The following FBH1 variants were observed in gnomAD, a reference collection of about 807,000 sequenced individuals.
The protein encoded by FBH1 is F-box DNA helicase 1.
In FBH1, 43 loss-of-function variants were observed where a neutral mutation model predicts 115.5. The ratio of observed to expected loss-of-function variants is 0.37; its 90% CI spans 0.29 to 0.48. FBH1 has a LOEUF of 0.48. Ranked by LOEUF, FBH1 falls within the 20% of genes least tolerant of loss-of-function variation. FBH1 has a pLI of 0.99. For missense variants in FBH1, 1,001 were observed against 1,337.3 expected (o/e 0.75, Z 3.92); for synonymous variants, 524 against 507.8 (o/e 1.03, Z -0.43).
rs1312967560 is a variant in FBH1 at position 5,918,306 on chromosome 10, C to T, written c.1964-36C>T. 1.9e-6 allele frequency: 3 copies of T among 1,602,542 alleles called. No individual in the cohort carries two copies. Among genetic ancestry groups the T allele is most frequent in the African/African-American group, 1.4e-5 (1 of 73,692 alleles). Reference sequence around the variant, plus strand: ...TCTTTTTGCTGCCTGGGGTGGAGGCCTCAAGGTTTCTCACTTTTCCTCTCG... The same window carrying T: ...TCTTTTTGCTGCCTGGGGTGGAGGCTTCAAGGTTTCTCACTTTTCCTCTCG... On this transcript the variant is annotated intron_variant, in intron 12 of 20. Transcript: ENST00000362091. The surrounding 1 kb of genome is among the most constrained non-coding windows in gnomAD (Gnocchi z 4.0).
rs1832444807 is a variant in FBH1 at position 5,923,687 on chromosome 10, C to T, written c.2389C>T (p.Arg797Trp). ...IWILLQPEEE[R>W]RKQNLVIKDK... ...GATCCTTCTTCAGCCAGAGGAAGAA[C>T]GGAGGAAACGTGAGTACCCACCTGG... The change falls in exon 16 of 21, where the codon CGG becomes TGG. Residue 797 changes from arginine (R) to tryptophan (W), a missense_variant. By Grantham distance (101) the Arg-to-Trp change is moderately radical. Transcript: ENST00000362091. The surrounding 1 kb of genome is among the most constrained non-coding windows in gnomAD (Gnocchi z 5.7). 8 of 1,614,018 alleles carry T rather than the reference C, an allele frequency of 5.0e-6. No homozygotes were observed. Among genetic ancestry groups the T allele is most frequent in the Non-Finnish European group, 6.8e-6 (8 of 1,179,898 alleles).
rs1275358336 is a variant in FBH1 at position 5,902,343 on chromosome 10, CAAA to C, written c.2-673_2-671del. Among the ~76,000 whole-genome samples, 4 of 151,884 alleles carry C rather than the reference CAAA, an allele frequency of 2.6e-5. No homozygotes were observed. In the East Asian group the frequency reaches 5.8e-4, roughly 22 times the overall value. On this transcript the variant is annotated intron_variant, in intron 1 of 20. Coordinates refer to ENST00000362091, the MANE Select transcript of FBH1 (RefSeq NM_178150.3). The stretch of plus-strand genomic sequence containing the variant: ...AATTAAAAAAAATTTAACCATTTAA[CAAA>C]AAAGAAAGTTATAAAAGTTTTTTGT...
rs1202568225 is a variant in FBH1 at position 5,910,778 on chromosome 10, CCT to C, written c.1021-159_1021-158del. Among the ~76,000 whole-genome samples, 1 of 152,212 alleles carries C rather than the reference CCT, an allele frequency of 6.6e-6. No individual in the cohort carries two copies. Among genetic ancestry groups the C allele is most frequent in the Non-Finnish European group, 1.5e-5 (1 of 68,036 alleles). The stretch of plus-strand genomic sequence containing the variant: ...AGTCCAGGGCGAACAGAAGGGCTCC[CCT>C]GTTTCCCAAATACAACTTGGAAAGT... On this transcript the variant is annotated intron_variant, in intron 5 of 20. Coordinates refer to ENST00000362091, the MANE Select transcript of FBH1 (RefSeq NM_178150.3). This position sits in a 1 kb window ranked among gnomAD's most constrained non-coding sequence, Gnocchi z 4.8.
At position 5,935,268 on chromosome 10, in the gene FBH1, C is replaced by T. The variant is rs927353614; in HGVS notation, c.2830-1188C>T. The T allele has an allele frequency of 6.6e-6, 1 of 152,110 alleles. No individual in the cohort carries two copies. Among genetic ancestry groups the T allele is most frequent in the Non-Finnish European group, 1.5e-5 (1 of 68,036 alleles). The allele number at this position is 152,110 out of a possible 1,614,324, so 9.4% of individuals were successfully genotyped here. A position where few individuals can be genotyped will look rare whatever the true frequency, so the allele number is the denominator to read the frequency against. ...TTGTTGGAAATAGTTTGGAAACAAC[C>T]GAGTAACCACAGCAAGGGAATGGGT... On this transcript the variant is annotated intron_variant, in intron 19 of 20. Transcript: ENST00000362091. The surrounding 1 kb of genome is among the most constrained non-coding windows in gnomAD (Gnocchi z 5.2).
chr10:5,903,143 A>C lies in FBH1; in HGVS notation c.125A>C (p.Tyr42Ser). 6.2e-7 allele frequency: 1 copy of C among 1,613,104 alleles called. No individual in the cohort carries two copies. Among genetic ancestry groups the C allele is most frequent in the East Asian group, 2.2e-5 (1 of 44,844 alleles). ...AACAGAGATCCGAACCATGGTCTCT[A>C]TCCTAAACCGAGAACAAAAAGAGGG... ...WTNRDPNHGL[Y>S]PKPRTKRGSR... Residue 42 changes from tyrosine (Y) to serine (S), a missense_variant, in exon 2 of 21, where the codon TAT becomes TCT. Around this residue, in one of 4 missense-constraint regions of FBH1, gnomAD observed 420 missense variants for 430.4 expected, o/e 0.98. Coordinates refer to ENST00000362091, the MANE Select transcript of FBH1 (RefSeq NM_178150.3).
rs1832479579 is a variant in FBH1 at position 5,924,097 on chromosome 10, G to A, written c.2399-214G>A. On this transcript the variant is annotated intron_variant, in intron 16 of 20. Coordinates refer to ENST00000362091, the MANE Select transcript of FBH1 (RefSeq NM_178150.3). This position sits in a 1 kb window ranked among gnomAD's most constrained non-coding sequence, Gnocchi z 6.2. ...AAGTAGGTGAGGATCTTGAGCCGAG[G>A]GCTTTGCTCCTCAGTCGGAGACGGA... 1.7e-6 allele frequency: 1 copy of A among 595,140 alleles called. No individual in the cohort carries two copies. The highest frequency in any genetic ancestry group is 3.0e-5 in the Admixed American group (1 of 33,776). The allele number at this position is 595,140 out of a possible 1,614,324, so 36.9% of individuals were successfully genotyped here.
In FBH1 at chr10:5,906,389, G is replaced by A. The variant is rs138692839; in HGVS notation, c.510G>A (p.Thr170=). The change falls in exon 3 of 21, where the codon ACG becomes ACA. Residue 170 remains threonine, a synonymous_variant. Transcript: ENST00000362091. The surrounding 1 kb of genome is among the most constrained non-coding windows in gnomAD (Gnocchi z 7.3). ...CCAGGCAAGAAGCAGAGGACAGTACGTCTCGGCTCTCTGCGGAGTCTGGTG... is the reference window on the plus strand; with the variant it reads ...CCAGGCAAGAAGCAGAGGACAGTACATCTCGGCTCTCTGCGGAGTCTGGTG... ...REARQEAEDS[T]SRLSAESGET... The A allele has an allele frequency of 2.3e-3, 3,730 of 1,614,116 alleles. 5 individuals are homozygous for A. Among genetic ancestry groups the A allele is most frequent in the Non-Finnish European group, 2.9e-3 (3,391 of 1,179,910 alleles).
chr10:5,930,237 A>G (rs1832893879), intron 19 of FBH1, among the ~76,000 whole-genome samples: 1 of 152,220 alleles, frequency 6.6e-6, no homozygotes, highest in African/African-American at 2.4e-5. Flanking sequence ...ATCCATAATT[A>G]TACTTTTATG....
rs1416948704 is a variant in FBH1 at position 5,933,483 on chromosome 10, A to G, written c.2830-2973A>G. On this transcript the variant is annotated intron_variant, in intron 19 of 20. Coordinates refer to ENST00000362091, the MANE Select transcript of FBH1 (RefSeq NM_178150.3). This position sits in a 1 kb window ranked among gnomAD's most constrained non-coding sequence, Gnocchi z 4.9. ...TGCATTTTGTTTTCCCCATAGAAGA[A>G]AAGAATACAGAATCTAGAGAAATAC... is the stretch of plus-strand genomic sequence containing the variant. Among the ~76,000 whole-genome samples the G allele has an allele frequency of 6.6e-6, 1 of 152,216 alleles. No individual in the cohort carries two copies. The highest frequency in any genetic ancestry group is 1.5e-5 in the Non-Finnish European group (1 of 68,034).
chr10:5,913,948 T>C lies in FBH1; in HGVS notation c.1304+109T>C. ...TTAGCAACATCATTGAGGTTAATAA[T>C]GTAAATTGTGTAAAACTCACCCATC... On this transcript the variant is annotated intron_variant, in intron 7 of 20. Transcript: ENST00000362091. The surrounding 1 kb of genome is among the most constrained non-coding windows in gnomAD (Gnocchi z 4.4). The C allele has an allele frequency of 1.1e-6, 1 of 905,188 alleles. No individual in the cohort carries two copies. The highest frequency in any genetic ancestry group is 1.5e-5 in the South Asian group (1 of 65,942). 56.1% of individuals were successfully genotyped at this position (905,188 alleles called of 1,614,324 possible).
In FBH1 at chr10:5,916,062, C is replaced by G. The variant is rs934096431; in HGVS notation, c.1566-172C>G. On this transcript the variant is annotated intron_variant, in intron 9 of 20. Coordinates refer to ENST00000362091, the MANE Select transcript of FBH1 (RefSeq NM_178150.3). ...GTTGGTACATGTGAGTCCTGAAAGC[C>G]ATTTCCAGTCAGACATGGACCATGC... The G allele has an allele frequency of 4.8e-6, 3 of 624,592 alleles. No homozygotes were observed. In the African/African-American group the frequency reaches 5.5e-5, roughly 12 times the overall value. 38.7% of individuals were successfully genotyped at this position (624,592 alleles called of 1,614,324 possible). A position where few individuals can be genotyped will look rare whatever the true frequency, so the allele number is the denominator to read the frequency against.
intron 1 of FBH1, among the ~76,000 whole-genome samples, chr10:5,898,546 G>A (rs1399574151): frequency 2.6e-5 from 4 of 152,048 alleles, no homozygotes; most frequent in Non-Finnish European, 4.4e-5. Flanking sequence ...GAGTAGCTGG[G>A]GTTACAGGTG....
chr10:5,928,137 C>G (rs992950976), intron 19 of FBH1, among the ~76,000 whole-genome samples: 2 of 137,020 alleles, frequency 1.5e-5, no homozygotes, highest in Non-Finnish European at 3.1e-5. Context: ...TTCTCCTTTA[C>G]TCAATTAGTT....
Position 5,906,734 on chromosome 10 carries a change from TGC to T in FBH1, c.753+103_753+104del. The T allele has an allele frequency of 9.6e-7, 1 of 1,038,258 alleles. No individual in the cohort carries two copies. Among genetic ancestry groups the T allele is most frequent in the Non-Finnish European group, 1.4e-6 (1 of 719,190 alleles). The allele number at this position is 1,038,258 out of a possible 1,614,324, so 64.3% of individuals were successfully genotyped here. Reference sequence around the variant, plus strand: ...GATCTTTTCAGAAATGGTTTCCATTTGCCTTCAGAAGACATTCAGACTCCTTA... The same window carrying T: ...GATCTTTTCAGAAATGGTTTCCATTTCTTCAGAAGACATTCAGACTCCTTA... On this transcript the variant is annotated intron_variant, in intron 3 of 20. Coordinates refer to ENST00000362091, the MANE Select transcript of FBH1 (RefSeq NM_178150.3). This position sits in a 1 kb window ranked among gnomAD's most constrained non-coding sequence, Gnocchi z 7.3.
At chr10:5,928,569 A>G (rs1832789516) in intron 19 of FBH1, 1 of 152,196 alleles carries the variant, frequency 6.6e-6, no homozygotes, top group Non-Finnish European at 1.5e-5. Flanking sequence ...CCAGAAGAAC[A>G]CATCCTTGCC....
chr10:5,899,200 C>T (rs773832056), intron 1 of FBH1, among the ~76,000 whole-genome samples: 19 of 152,166 alleles, frequency 1.2e-4, no homozygotes, highest in East Asian at 1.9e-4. Flanking sequence ...CAGAAGCCTT[C>T]GGTACCTGAC....
At chr10:5,893,924 A>T (rs1259828210) in intron 1 of FBH1, 1 of 891,122 alleles carries the variant, frequency 1.1e-6, no homozygotes, top group Non-Finnish European at 1.3e-6. Flanking sequence ...TATATTCTAG[A>T]CCATAAGTAG....
chr10:5,924,569 G>GT lies in FBH1; in HGVS notation c.2596+63dup. Reference sequence around the variant, plus strand: ...GAGGAGGAACAGATGGTCTTCTGCTGTTCTTTTTTTTTTTTTGAGACAGAG... The same window carrying GT: ...GAGGAGGAACAGATGGTCTTCTGCTGTTTCTTTTTTTTTTTTTGAGACAGAG... On this transcript the variant is annotated intron_variant, in intron 17 of 20. Coordinates refer to ENST00000362091, the MANE Select transcript of FBH1 (RefSeq NM_178150.3). This position sits in a 1 kb window ranked among gnomAD's most constrained non-coding sequence, Gnocchi z 6.2. The GT allele has an allele frequency of 6.8e-7, 1 of 1,477,160 alleles. No homozygotes were observed. Among genetic ancestry groups the GT allele is most frequent in the Non-Finnish European group, 9.2e-7 (1 of 1,081,498 alleles). 91.5% of individuals were successfully genotyped at this position (1,477,160 alleles called of 1,614,324 possible).
At chr10:5,894,996 G>T in intron 1 of FBH1, 2 of 1,577,480 alleles carry the variant, frequency 1.3e-6, no homozygotes, top group South Asian at 2.3e-5. Flanking sequence ...TACTTTTATG[G>T]TGCTGGAGTT....
Sources: allele counts gnomAD v4.1 joint callset (sites outside exome capture counted in the v4.1 genomes callset), GRCh38; gene constraint gnomAD v4.1.1; regional missense constraint gnomAD v4.1.1; non-coding constraint Gnocchi (gnomAD v3.1); transcripts MANE v1.5; gene names NCBI Gene and HGNC (gene_info 2026-07-23, HGNC 2026-07-21).